Variants in TMEM91 observed in about 807,000 individuals in gnomAD.
TMEM91 encodes the protein transmembrane protein 91.
A neutral mutation model predicts 13.3 loss-of-function variants in TMEM91; 6 were observed. That is an observed-to-expected ratio of 0.45 (90% CI 0.25 to 0.89). The LOEUF (loss-of-function observed/expected upper bound fraction) is 0.89, where lower values mean the gene tolerates loss of function less well. Ranked by LOEUF, TMEM91 falls within the 40% of genes least tolerant of loss-of-function variation. The probability of loss-of-function intolerance (pLI) is 0.19; values close to 1 mark genes in which losing one functional copy is unlikely to be tolerated. For missense variants in TMEM91, 193 were observed against 228.7 expected, an observed-to-expected ratio of 0.84 and a Z score of 1.01; for synonymous variants, 87 against 101.7, an observed-to-expected ratio of 0.86 and a Z score of 0.87.
At chr19:41,377,542 G>GGT (rs1237273533) in intron 1 of TMEM91, among the ~76,000 whole-genome samples, 4 of 151,626 alleles carry the variant, frequency 2.6e-5, no homozygotes, top group Non-Finnish European at 5.9e-5. Context: ...GTAGGGGATG[G>GGT]GTGTGTGTGT....
At chr19:41,383,616 C>CATGA in intron 3 of TMEM91, 99 bp from the exon 4 acceptor site, 7 of 1,613,884 alleles carry the variant, frequency 4.3e-6, no homozygotes, top group African/African-American at 1.3e-5. Flanking sequence ...GGAATACATG[C>CATGA]ATGAATGAAT....
intron 1 of TMEM91, among the ~76,000 whole-genome samples, chr19:41,371,188 G>A (rs973677004): frequency 6.6e-6 from 1 of 150,946 alleles, no homozygotes. Flanking sequence ...TTTTAGTAGA[G>A]ACGGAGTTTT....
intron 1 of TMEM91, among the ~76,000 whole-genome samples, chr19:41,371,221 C>T (rs929705552): frequency 2.2e-4 from 34 of 151,856 alleles, no homozygotes; most frequent in African/African-American, 8.0e-4. Context: ...AGGCTGATTT[C>T]GAACTCCTGA....
rs907361640 is a variant in TMEM91, at chr19:41,376,666, C to G, written c.-218C>G. The stretch of plus-strand genomic sequence containing the variant: ...GCTTTCAGGGATCCCTCGCCGGACG[C>G]CGCGGAGGGACAGAGCCTGGGAAGC... On this transcript the variant is annotated 5_prime_UTR_variant, in exon 1 of 4. Coordinates refer to ENST00000392002, the MANE Select transcript of TMEM91 (RefSeq NM_001098821.2). The G allele has an allele frequency of 3.3e-5, 5 of 152,226 alleles. No homozygotes were observed. Among genetic ancestry groups the G allele is most frequent in the African/African-American group, 1.2e-4 (5 of 41,456 alleles). The allele number at this position is 152,226 out of a possible 1,614,324, so 9.4% of individuals were successfully genotyped here.
chr19:41,365,357 G>C (rs1235543275), intron 1 of TMEM91, among the ~76,000 whole-genome samples: 5 of 152,102 alleles, frequency 3.3e-5, no homozygotes, highest in Non-Finnish European at 7.3e-5. Flanking sequence ...CCATTGAATT[G>C]TTTAATATAA....
intron 2 of TMEM91, among the ~76,000 whole-genome samples, chr19:41,382,361 T>C (rs529501692): frequency 6.6e-6 from 1 of 152,222 alleles, no homozygotes; most frequent in East Asian, 1.9e-4. Context: ...TGGTGGCTCA[T>C]GCCTGTAATC....
At position 41,378,538 on chromosome 19, in the gene TMEM91, T is replaced by C; in HGVS notation, c.210+19T>C. 6.2e-7 allele frequency: 1 copy of C among 1,613,566 alleles called. No individual in the cohort carries two copies. The highest frequency in any genetic ancestry group is 8.5e-7 in the Non-Finnish European group (1 of 1,179,688). On this transcript the variant is annotated intron_variant, in intron 2 of 3. Transcript: ENST00000392002. ...TGTTGAGGTAGGAAACAGCAGGCCT[T>C]AGTGGAAGGCACGGGAGGGGGCTGG...
intron 2 of TMEM91, 51 bp from the exon 3 acceptor site, chr19:41,382,721 G>A: frequency 1.3e-6 from 2 of 1,589,474 alleles, no homozygotes. Context: ...CAGAGCAATG[G>A]GGCAGGAAAG....
In TMEM91 at chr19:41,379,605, A is replaced by AAG. The variant is rs201945621; in HGVS notation, c.210+1096_210+1097dup. Among the ~76,000 whole-genome samples, 3 of 151,028 alleles carry AAG rather than the reference A, an allele frequency of 2.0e-5. No individual in the cohort carries two copies. In the South Asian group the frequency reaches 6.3e-4, roughly 32 times the overall value. On this transcript the variant is annotated intron_variant, in intron 2 of 3. Transcript: ENST00000392002. ...AGGGAGGGAGGAAGGAAAGAAAGAA[A>AAG]AGAGAGAGAGAAAGAGAGAAAGAAG...
At chr19:41,374,251 C>T (rs893127779), upstream of TMEM91, 3 of 152,156 alleles carry the variant, frequency 2.0e-5, no homozygotes, top group Non-Finnish European at 4.4e-5. Context: ...ACTCCGGCCC[C>T]ACAAAGGCCA....
chr19:41,367,119 C>T (rs946916295), intron 1 of TMEM91, among the ~76,000 whole-genome samples: 4 of 151,080 alleles, frequency 2.6e-5, no homozygotes, highest in African/African-American at 7.3e-5. Flanking sequence ...TCAGCCTGGG[C>T]GACAGAGCCA....
At chr19:41,382,687 T>C in intron 2 of TMEM91, 85 bp from the exon 3 acceptor site, 7 of 1,518,326 alleles carry the variant, frequency 4.6e-6, no homozygotes, top group Non-Finnish European at 6.2e-6. Context: ...GGGGCAGGTA[T>C]TGGCCTTTGA....
At chr19:41,382,405 C>G (rs1290742903) in intron 2 of TMEM91, among the ~76,000 whole-genome samples, 2 of 151,954 alleles carry the variant, frequency 1.3e-5, no homozygotes, top group Non-Finnish European at 2.9e-5. Flanking sequence ...GGGTGGATCA[C>G]CTGAGGTCAG....
rs553517771 is a variant in TMEM91 at position 41,369,178 on chromosome 19, G to T, written c.-30+5083G>T. Among the ~76,000 whole-genome samples the T allele has an allele frequency of 1.9e-3, 286 of 151,898 alleles. 3 individuals are homozygous for T. The highest frequency in any genetic ancestry group is 6.6e-3 in the African/African-American group (273 of 41,466). ...CGGCGGTCCCGGCTACTTCATTTTT[G>T]TTGTTGTTGTTGTTTTGAGACAGAG... On this transcript the variant is annotated intron_variant, in intron 1 of 3. Transcript: ENST00000413014.
Position 41,378,478 on chromosome 19 carries a change from G to T in TMEM91, c.169G>T (p.Val57Leu). ...LQFLSPPLPS[V>L]SAGLGEPRPP... ...GTTCCTGTCACCGCCTCTTCCCTCCGTGAGCGCTGGCCTGGGGGAACCAAG... is the reference window on the plus strand; with the variant it reads ...GTTCCTGTCACCGCCTCTTCCCTCCTTGAGCGCTGGCCTGGGGGAACCAAG... The change falls in exon 2 of 4, where the codon GTG (valine) becomes TTG (leucine). Residue 57 changes from valine (V) to leucine (L), a missense_variant. Val to Leu is a conservative substitution (Grantham distance 32). Coordinates refer to ENST00000392002, the MANE Select transcript of TMEM91 (RefSeq NM_001098821.2). 6.2e-7 allele frequency: 1 copy of T among 1,614,108 alleles called. No individual in the cohort carries two copies. Among genetic ancestry groups the T allele is most frequent in the Non-Finnish European group, 8.5e-7 (1 of 1,179,992 alleles).
chr19:41,382,961 A>G (rs1463708280), intron 3 of TMEM91, 40 bp downstream of exon 3: 3 of 1,601,286 alleles, frequency 1.9e-6, no homozygotes, highest in Non-Finnish European at 2.6e-6. Flanking sequence ...CTGGGCATAA[A>G]AGAGAAAAAT....
chr19:41,382,208 G>A (rs965452719), intron 2 of TMEM91, among the ~76,000 whole-genome samples: 15 of 152,134 alleles, frequency 9.9e-5, no homozygotes, highest in East Asian at 7.7e-4. Context: ...CAATTGTAGC[G>A]TCCATGATTG....
intron 3 of TMEM91, chr19:41,383,476 T>C: frequency 7.2e-7 from 1 of 1,385,848 alleles, no homozygotes; most frequent in Non-Finnish European, 9.6e-7. Flanking sequence ...TAGTGGCATA[T>C]ACCATTTTAA....
intron 1 of TMEM91, among the ~76,000 whole-genome samples, chr19:41,366,372 C>G (rs1289635185): frequency 6.6e-6 from 1 of 152,048 alleles, no homozygotes; most frequent in Non-Finnish European, 1.5e-5. Context: ...CACTTCTCAC[C>G]TCTTTGTCGC....
Sources: gnomAD v4.1 joint callset for allele counts (sites outside exome capture counted in the v4.1 genomes callset) on GRCh38, gnomAD v4.1.1 for gene constraint, MANE v1.5 for transcripts, NCBI Gene and HGNC (gene_info 2026-07-23, HGNC 2026-07-21) for gene names.